ATP2B2: variants seen among roughly 807,000 people sequenced by gnomAD.
ATP2B2 encodes ATPase plasma membrane Ca2+ transporting 2.
A neutral mutation model predicts 120.0 loss-of-function variants in ATP2B2; 15 were observed. The ratio of observed to expected loss-of-function variants is 0.12; its 90% CI spans 0.08 to 0.19. ATP2B2 has a LOEUF of 0.19. Among genes scored for constraint, ATP2B2 ranks in the 10% least tolerant of loss-of-function variants. The probability of loss-of-function intolerance (pLI) is 1.00; values close to 1 mark genes in which losing one functional copy is unlikely to be tolerated. For synonymous variants in ATP2B2, 694 were observed against 700.3 expected (o/e 0.99, Z 0.14); for missense variants, 1,045 against 1,719.8 (o/e 0.61, Z 6.94).
intron 1 of ATP2B2, among the ~76,000 whole-genome samples, chr3:10,654,322 C>A (rs183701267): frequency 6.6e-6 from 1 of 152,250 alleles, no homozygotes; most frequent in Admixed American, 6.5e-5. Flanking sequence ...AGTATCGGTT[C>A]ATCTTGTAAC....
At chr3:10,394,490 C>A in intron 5 of ATP2B2, 1 of 471,268 alleles carries the variant, frequency 2.1e-6, no homozygotes, top group South Asian at 1.6e-5. Flanking sequence ...GGGACTTGAA[C>A]CCGTGCTCTA....
At chr3:10,581,104 C>A (rs1246606617) in intron 2 of ATP2B2, among the ~76,000 whole-genome samples, 1 of 152,162 alleles carries the variant, frequency 6.6e-6, no homozygotes, top group Non-Finnish European at 1.5e-5. Context: ...AATTGAAGCC[C>A]AAAGATGATG....
chr3:10,443,864 T>C (rs1036653521), intron 2 of ATP2B2, among the ~76,000 whole-genome samples: 1 of 151,648 alleles, frequency 6.6e-6, no homozygotes, highest in African/African-American at 2.4e-5. Flanking sequence ...AGGCAGAGAG[T>C]GGAAGTAGTA....
intron 1 of ATP2B2, among the ~76,000 whole-genome samples, chr3:10,671,280 A>G (rs1362076371): frequency 6.6e-6 from 1 of 152,032 alleles, no homozygotes; most frequent in African/African-American, 2.4e-5. Flanking sequence ...AGTCCGGAGA[A>G]CTGGTTCCAG....
intron 1 of ATP2B2, among the ~76,000 whole-genome samples, chr3:10,492,621 GA>G (rs1322754176): frequency 6.6e-6 from 1 of 152,162 alleles, no homozygotes; most frequent in African/African-American, 2.4e-5. Flanking sequence ...GGGAGACTGT[GA>G]ATTGCAGCTG....
chr3:10,412,339 C>T (rs116777356), intron 2 of ATP2B2, among the ~76,000 whole-genome samples: 6,411 of 152,196 alleles, frequency 0.042, 482 homozygotes, highest in African/African-American at 0.15. Flanking sequence ...CCAGGAGGTG[C>T]GTGGCTCTGG....
Position 10,537,526 on chromosome 3 carries a change from G to A in ATP2B2, c.-414-3393C>T, listed in dbSNP as rs897444264. Among the ~76,000 whole-genome samples, 33 of 151,440 alleles carry A rather than the reference G, an allele frequency of 2.2e-4. 1 individual carries two copies. The highest frequency in any genetic ancestry group is 7.8e-4 in the African/African-American group (32 of 41,232). ...ATGAAAATACATTTTTTTTTTGTAT[G>A]CTTAGCTTGTATCCTGTAACTTTCC... On this transcript the variant is annotated intron_variant, in intron 2 of 21. Coordinates refer to the ATP2B2 transcript ENST00000646379.
At chr3:10,464,529 G>A (rs1158446943) in intron 1 of ATP2B2, among the ~76,000 whole-genome samples, 1 of 152,126 alleles carries the variant, frequency 6.6e-6, no homozygotes, top group African/African-American at 2.4e-5. Flanking sequence ...ATTGCTATCT[G>A]GAATGCCCTC....
intron 3 of ATP2B2, among the ~76,000 whole-genome samples, chr3:10,533,655 C>T (rs2067254488): frequency 6.6e-6 from 1 of 152,206 alleles, no homozygotes. Flanking sequence ...TGAAGCAGGA[C>T]CAGGTGAGGT....
intron 1 of ATP2B2, among the ~76,000 whole-genome samples, chr3:10,688,774 C>G (rs1246245400): frequency 6.6e-6 from 1 of 152,234 alleles, no homozygotes; most frequent in Non-Finnish European, 1.5e-5. Context: ...TTAACTACCC[C>G]TGGACACTGG....
chr3:10,573,840 T>C (rs1049465526), intron 2 of ATP2B2, among the ~76,000 whole-genome samples: 1 of 152,198 alleles, frequency 6.6e-6, no homozygotes, highest in African/African-American at 2.4e-5. Flanking sequence ...AGAAGCCTTC[T>C]TCAATTTGCT....
At chr3:10,457,866 G>T (rs1456205630) in intron 1 of ATP2B2, among the ~76,000 whole-genome samples, 1 of 152,164 alleles carries the variant, frequency 6.6e-6, no homozygotes, top group Non-Finnish European at 1.5e-5. Context: ...GGTGGCAGAC[G>T]TAGGTCTAAG....
At chr3:10,680,802 C>T (rs2071364398) in intron 1 of ATP2B2, among the ~76,000 whole-genome samples, 1 of 152,160 alleles carries the variant, frequency 6.6e-6, no homozygotes, top group Non-Finnish European at 1.5e-5. Flanking sequence ...GGCTGGATGT[C>T]CCAGTCAGCA....
chr3:10,441,047 A>T (rs917627925), intron 2 of ATP2B2, among the ~76,000 whole-genome samples: 3 of 152,212 alleles, frequency 2.0e-5, no homozygotes, highest in African/African-American at 7.2e-5. Flanking sequence ...GCACAGCTAG[A>T]CTGGGACAGT....
At chr3:10,433,669 G>A (rs2125111008) in intron 2 of ATP2B2, among the ~76,000 whole-genome samples, 1 of 152,248 alleles carries the variant, frequency 6.6e-6, no homozygotes, top group South Asian at 2.1e-4. Flanking sequence ...CCCAAGGAAT[G>A]GACATAGGGG....
chr3:10,627,898 G>A (rs2125634004), intron 1 of ATP2B2, among the ~76,000 whole-genome samples: 1 of 152,274 alleles, frequency 6.6e-6, no homozygotes. Context: ...AGGTGGGGTG[G>A]AGGAGGGGCT....
chr3:10,540,339 TAC>T (rs1425981620), intron 2 of ATP2B2, among the ~76,000 whole-genome samples: 1 of 152,190 alleles, frequency 6.6e-6, no homozygotes, highest in Non-Finnish European at 1.5e-5. Flanking sequence ...GAACTAGAAA[TAC>T]CATTTGATTC....
chr3:10,597,211 A>G (rs2068791120), intron 2 of ATP2B2, among the ~76,000 whole-genome samples: 1 of 150,458 alleles, frequency 6.6e-6, no homozygotes, highest in Non-Finnish European at 1.5e-5. Context: ...AGGCACAGGA[A>G]CCTAGGCACA....
Position 10,359,929 on chromosome 3 carries a change from C to T in ATP2B2, c.1854G>A (p.Glu618=), listed in dbSNP as rs1293738196. ...CCCCCTTGCTGTACATGCGGAAGCT[C>T]TCGTCGGGCAGCTTGATGACAGTGC... ...SMSTVIKLPD[E]SFRMYSKGAS... The change falls in exon 13 of 23, where the codon GAG becomes GAA. Residue 618 remains glutamate, a synonymous_variant. Coordinates refer to ENST00000360273, the MANE Select transcript of ATP2B2 (RefSeq NM_001001331.4). 1.6e-5 allele frequency: 26 copies of T among 1,614,228 alleles called. No individual in the cohort carries two copies. The highest frequency in any genetic ancestry group is 2.2e-5 in the Non-Finnish European group (26 of 1,180,036).
Sources: gnomAD v4.1 joint callset for allele counts (sites outside exome capture counted in the v4.1 genomes callset) on GRCh38, gnomAD v4.1.1 for gene constraint, MANE v1.5 for transcripts, NCBI Gene and HGNC (gene_info 2026-07-23, HGNC 2026-07-21) for gene names.